Variants in STARD13 observed in about 807,000 individuals in gnomAD.
The protein encoded by STARD13 is StAR related lipid transfer domain containing 13, also known as stAR-related lipid transfer protein 13.
A neutral mutation model predicts 106.4 loss-of-function variants in STARD13; 62 were observed. The ratio of observed to expected loss-of-function variants is 0.58; its 90% confidence interval spans 0.48 to 0.72. The LOEUF (loss-of-function observed/expected upper bound fraction) is 0.72. Ranked by LOEUF, STARD13 falls within the 30% of genes least tolerant of loss-of-function variation. The pLI, the probability that STARD13 is intolerant of heterozygous loss-of-function variation, is 0.00. For missense variants in STARD13, 1,387 were observed against 1,424.0 expected, an observed-to-expected ratio of 0.97 and a Z score of 0.42; for synonymous variants, 565 against 553.0, an observed-to-expected ratio of 1.02 and a Z score of -0.31.
At chr13:33,144,786 G>A (rs1304950994) in intron 3 of STARD13, among the ~76,000 whole-genome samples, 1 of 152,186 alleles carries the variant, frequency 6.6e-6, no homozygotes, top group Non-Finnish European at 1.5e-5. Flanking sequence ...TTTAGGGGAG[G>A]ATTGCCTGTT....
At chr13:33,388,751 C>T in the STARD13 span, among the ~76,000 whole-genome samples, 4 of 152,110 alleles carry the variant, frequency 2.6e-5, no homozygotes, top group South Asian at 2.1e-4. Context: ...GCCACACCAA[C>T]GTTACTCAGA....
the STARD13 span, among the ~76,000 whole-genome samples, chr13:33,459,588 T>C: frequency 6.6e-6 from 1 of 152,220 alleles, no homozygotes. Context: ...TTTGTCTAGA[T>C]ATTTTCTTCT....
chr13:33,364,843 G>C, the STARD13 span, among the ~76,000 whole-genome samples: 18 of 152,102 alleles, frequency 1.2e-4, no homozygotes, highest in East Asian at 5.8e-4. Context: ...GAGCCGAGAT[G>C]GCGCCACTGC....
Position 33,285,718 on chromosome 13 carries a change from A to C in STARD13, c.-80T>G. 6.3e-7 allele frequency: 1 copy of C among 1,578,312 alleles called. No homozygotes were observed. Among genetic ancestry groups the C allele is most frequent in the Non-Finnish European group, 8.6e-7 (1 of 1,165,610 alleles). ...TCCAGTCTCAGTCAAAGAGCAAGGC[A>C]CCCAGCCCAGGACAGCTCAACAGAC... On this transcript the variant is annotated 5_prime_UTR_variant, in exon 1 of 14. Transcript: ENST00000336934.
chr13:33,112,917 G>A lies in STARD13; in HGVS notation c.2296C>T (p.Gln766Ter), dbSNP rs756220446. 1.2e-6 allele frequency: 2 copies of A among 1,606,572 alleles called. No homozygotes were observed. Among genetic ancestry groups the A allele is most frequent in the African/African-American group, 1.3e-5 (1 of 74,542 alleles). The stretch of plus-strand genomic sequence containing the variant: ...GCAGCCTGCACGGCCTGCAGCCGCT[G>A]CTCTTTGGAGACATCTGAGGAAAAG... ...LHIYQYVSKE[Q>*]RLQAVQAAIL... is the part of the protein sequence containing the mutation. Residue 766 changes from glutamine (Q) to a stop codon, truncating the protein, a stop_gained, in exon 9 of 14, where the codon CAG becomes TAG. Coordinates refer to ENST00000336934, the MANE Select transcript of STARD13 (RefSeq NM_178006.4). LOFTEE classifies it high-confidence loss of function.
At chr13:33,538,199 G>A in the STARD13 span, among the ~76,000 whole-genome samples, 4 of 152,112 alleles carry the variant, frequency 2.6e-5, no homozygotes, top group Admixed American at 6.5e-5. Context: ...ATCTTGAGAG[G>A]GCAAGATCCC....
intron 1 of STARD13, chr13:33,280,813 G>A (rs1891738294): frequency 6.6e-6 from 1 of 152,094 alleles, no homozygotes; most frequent in Non-Finnish European, 1.5e-5. Context: ...AGAGATGATG[G>A]GGACTTCAGA....
At chr13:33,147,891 G>C (rs2138263383) in intron 3 of STARD13, among the ~76,000 whole-genome samples, 1 of 152,282 alleles carries the variant, frequency 6.6e-6, no homozygotes, top group South Asian at 2.1e-4. Flanking sequence ...AAATGGAGCA[G>C]AATGAGGAAC....
chr13:33,486,745 A>C, the STARD13 span, among the ~76,000 whole-genome samples: 1 of 152,164 alleles, frequency 6.6e-6, no homozygotes, highest in Non-Finnish European at 1.5e-5. Flanking sequence ...CCAAAACACA[A>C]GCTCTTGCAC....
chr13:33,212,522 A>T (rs1887782310), intron 1 of STARD13, among the ~76,000 whole-genome samples: 1 of 152,166 alleles, frequency 6.6e-6, no homozygotes, highest in Non-Finnish European at 1.5e-5. Flanking sequence ...AACATGTATT[A>T]ATCCTCAGGG....
chr13:33,431,904 G>A, the STARD13 span, among the ~76,000 whole-genome samples: 1 of 152,170 alleles, frequency 6.6e-6, no homozygotes, highest in African/African-American at 2.4e-5. Flanking sequence ...GGGCAATGAC[G>A]GAACCATTAC....
chr13:33,380,744 C>T, the STARD13 span, among the ~76,000 whole-genome samples: 2 of 127,542 alleles, frequency 1.6e-5, no homozygotes, highest in Admixed American at 1.5e-4. Flanking sequence ...AATTGACAAG[C>T]CAAAGTGGGG....
intron 1 of STARD13, among the ~76,000 whole-genome samples, chr13:33,258,587 G>A (rs781564901): frequency 1.3e-5 from 2 of 152,204 alleles, no homozygotes; most frequent in Non-Finnish European, 2.9e-5. Flanking sequence ...TAAATGCAGA[G>A]TAGTGGAATA....
At chr13:33,216,243 T>A (rs1594118727) in intron 1 of STARD13, among the ~76,000 whole-genome samples, 1 of 152,300 alleles carries the variant, frequency 6.6e-6, no homozygotes, top group African/African-American at 2.4e-5. Flanking sequence ...GAAGTCATTA[T>A]ACGAAAAAGA....
intron 1 of STARD13, among the ~76,000 whole-genome samples, chr13:33,335,885 T>C (rs2077890642): frequency 6.6e-6 from 1 of 152,264 alleles, no homozygotes; most frequent in Non-Finnish European, 1.5e-5. Context: ...GGGCATTAAG[T>C]ACGAACATAC....
chr13:33,524,152 G>A, the STARD13 span: 17 of 631,292 alleles, frequency 2.7e-5, no homozygotes, highest in South Asian at 5.0e-4. Context: ...TGTGAACACA[G>A]TGCTGTTTTT....
the STARD13 span, among the ~76,000 whole-genome samples, chr13:33,618,378 A>G: frequency 1.3e-5 from 2 of 152,230 alleles, no homozygotes; most frequent in African/African-American, 4.8e-5. Flanking sequence ...GTGAAACACA[A>G]AAGAAAATTT....
At chr13:33,185,944 C>T in intron 1 of STARD13, 2 of 1,614,240 alleles carry the variant, frequency 1.2e-6, no homozygotes, top group Non-Finnish European at 1.7e-6. Context: ...TCTTTGCATT[C>T]TCTGCACCAG....
At chr13:33,390,932 G>A in the STARD13 span, among the ~76,000 whole-genome samples, 12,332 of 152,034 alleles carry the variant, frequency 0.081, 683 homozygotes, top group South Asian at 0.24. Context: ...TCCTACTTCT[G>A]TCTTTCTTTA....
Sources: gnomAD v4.1 joint callset for allele counts (sites outside exome capture counted in the v4.1 genomes callset) on GRCh38, gnomAD v4.1.1 for gene constraint, MANE v1.5 for transcripts, NCBI Gene and HGNC (gene_info 2026-07-23, HGNC 2026-07-21) for gene names.